The following ATRIP variants were observed in gnomAD, a reference collection of about 807,000 sequenced individuals.
ATRIP encodes the protein ATR-interacting protein.
In ATRIP, 44 loss-of-function variants were observed where a neutral mutation model predicts 78.1. That is an observed-to-expected ratio of 0.56 (90% confidence interval 0.44 to 0.72). ATRIP has a LOEUF of 0.72. Among genes scored for constraint, ATRIP ranks in the 30% least tolerant of loss-of-function variants. The pLI is 0.00. For missense variants in ATRIP, 927 were observed against 980.2 expected (o/e 0.95, Z 0.72); for synonymous variants, 388 against 408.9 (o/e 0.95, Z 0.62).
intron 7 of ATRIP, 90 bp from the exon 8 acceptor site, chr3:48,460,020 G>A: frequency 1.3e-6 from 2 of 1,552,600 alleles, no homozygotes; most frequent in African/African-American, 2.7e-5. Context: ...AGGGCAGGCA[G>A]CCTGGAGAAT....
At position 48,447,011 on chromosome 3, in the gene ATRIP, A is replaced by T; in HGVS notation, c.166A>T (p.Thr56Ser). 1 of 1,580,948 alleles carries T rather than the reference A, an allele frequency of 6.3e-7. No individual in the cohort carries two copies. The part of the protein sequence containing the change: ...DDPFGAHGDF[T>S]ADDLEELDTL... ...CCCGTTCGGCGCGCATGGGGACTTC[A>T]CTGCCGACGACCTGGAGGAGCTTGA... Residue 56 changes from threonine (T) to serine (S), a missense_variant, in exon 1 of 13, where the codon ACT becomes TCT. Thr to Ser is a moderately conservative substitution (Grantham distance 58). Transcript: ENST00000320211.
In ATRIP at chr3:48,465,047, C is replaced by T. The variant is rs575592192; in HGVS notation, c.2272C>T (p.Leu758Phe). 1.9e-6 allele frequency: 3 copies of T among 1,613,386 alleles called. No homozygotes were observed. The African/African-American group carries it at 4.0e-5, about 22-fold the overall frequency. Residue 758 changes from leucine to phenylalanine, a missense_variant, in exon 12 of 13, where the codon CTC (leucine) becomes TTC (phenylalanine). Leu to Phe is a conservative substitution (Grantham distance 22, BLOSUM62 0). Transcript: ENST00000320211. ...FDQVMPGVSM[L>F]IRGLPDVTDC... ...CCAGGTGATGCCGGGGGTCAGCATG[C>T]TCATCCGAGGGCTTCCTGATGTGAC... is the stretch of plus-strand genomic sequence containing the variant.
rs1478923109 is a variant in ATRIP at position 48,446,759 on chromosome 3, G to C, written c.-87G>C. The C allele has an allele frequency of 3.8e-6, 5 of 1,319,822 alleles. No homozygotes were observed. Among genetic ancestry groups the C allele is most frequent in the African/African-American group, 1.5e-5 (1 of 65,792 alleles). The allele number at this position is 1,319,822 out of a possible 1,614,324, so 81.8% of individuals were successfully genotyped here. A position where few individuals can be genotyped will look rare whatever the true frequency, so the allele number is the denominator to read the frequency against. ...GGCACTCGCGGCGGAGGCAAGCGGC[G>C]GCGCGCGGACGGTTGGTCCAGTTCT... On this transcript the variant is annotated 5_prime_UTR_variant, in exon 1 of 13. Transcript: ENST00000320211.
Position 48,464,060 on chromosome 3 carries a change from G to T in ATRIP, c.1902G>T (p.Leu634=). 6.2e-7 allele frequency: 1 copy of T among 1,613,778 alleles called. No homozygotes were observed. The highest frequency in any genetic ancestry group is 8.5e-7 in the Non-Finnish European group (1 of 1,180,018). ...TTTCAGAAGGCTGCCTCCTGCTGCTGCTGTACATGTACATCACATCACGGC... is the reference window on the plus strand; with the variant it reads ...TTTCAGAAGGCTGCCTCCTGCTGCTTCTGTACATGTACATCACATCACGGC... ...CSHSEGCLLL[L]LYMYITSRPD... The change falls in exon 10 of 13, where the codon CTG becomes CTT. Residue 634 remains leucine, a synonymous_variant. Coordinates refer to ENST00000320211, the MANE Select transcript of ATRIP (RefSeq NM_130384.3).
Position 48,464,925 on chromosome 3 carries a change from T to C in ATRIP, c.2150T>C (p.Val717Ala), listed in dbSNP as rs766900863. The C allele has an allele frequency of 5.0e-6, 8 of 1,613,980 alleles. No individual in the cohort carries two copies. In the African/African-American group the frequency reaches 9.3e-5, roughly 19 times the overall value. ...AGGACCGACCAGCAGAGGCGGACAG[T>C]GCGCTGTCTGCGGGACACGGTGCTG... ...PPRTDQQRRTVRCLRDTVLLL... is the reference protein window; with the variant it reads ...PPRTDQQRRTARCLRDTVLLL... The change falls in exon 12 of 13, where the codon GTG becomes GCG. Residue 717 changes from valine (V) to alanine (A), a missense_variant. Transcript: ENST00000320211.
chr3:48,456,982 C>T (rs922288698), intron 4 of ATRIP, among the ~76,000 whole-genome samples: 3 of 152,102 alleles, frequency 2.0e-5, no homozygotes, highest in Admixed American at 6.6e-5. Context: ...GTGGGTGGAT[C>T]ACTTGAGCTC....
chr3:48,454,870 CT>C (rs34089958), intron 4 of ATRIP, among the ~76,000 whole-genome samples: 5 of 144,904 alleles, frequency 3.5e-5, no homozygotes, highest in African/African-American at 5.1e-5. Context: ...TTTTTTTTTT[CT>C]TTTTTTTTTG....
In ATRIP at chr3:48,466,428, A is replaced by G; in HGVS notation, c.*874A>G. On this transcript the variant is annotated 3_prime_UTR_variant, in exon 13 of 13. Transcript: ENST00000320211. ...CATGTGAAGAGGGAGACCCTCTCAGACAGTCGAATGTGCTGGTCCCACTAA... is the reference window on the plus strand; with the variant it reads ...CATGTGAAGAGGGAGACCCTCTCAGGCAGTCGAATGTGCTGGTCCCACTAA... 6.2e-7 allele frequency: 1 copy of G among 1,610,258 alleles called. No individual in the cohort carries two copies. Among genetic ancestry groups the G allele is most frequent in the Non-Finnish European group, 8.5e-7 (1 of 1,177,972 alleles).
Position 48,466,130 on chromosome 3 carries a change from G to C in ATRIP, c.*576G>C, listed in dbSNP as rs886058622. The C allele has an allele frequency of 3.8e-5, 16 of 420,378 alleles. No individual in the cohort carries two copies. The highest frequency in any genetic ancestry group is 2.5e-4 in the Admixed American group (7 of 27,706). 26.0% of individuals were successfully genotyped at this position (420,378 alleles called of 1,614,324 possible). A position where few individuals can be genotyped will look rare whatever the true frequency, so the allele number is the denominator to read the frequency against. On this transcript the variant is annotated 3_prime_UTR_variant, in exon 13 of 13. Coordinates refer to ENST00000320211, the MANE Select transcript of ATRIP (RefSeq NM_130384.3). Reference sequence around the variant, plus strand: ...CCCCCGGGAGCAGGGGAGTGGGTGTGGGGGGGAACGGATGGTGGTGAGAGG... The same window carrying C: ...CCCCCGGGAGCAGGGGAGTGGGTGTCGGGGGGAACGGATGGTGGTGAGAGG...
intron 1 of ATRIP, among the ~76,000 whole-genome samples, chr3:48,449,695 A>G (rs144851158): frequency 0.019 from 2,807 of 145,870 alleles, 41 homozygotes; most frequent in Middle Eastern, 0.047. Context: ...TGGGAGGCTG[A>G]GGCGGGTGGA....
intron 3 of ATRIP, among the ~76,000 whole-genome samples, chr3:48,452,535 A>G (rs576266288): frequency 2.5e-4 from 38 of 152,124 alleles, no homozygotes; most frequent in African/African-American, 9.2e-4. Flanking sequence ...AAAAAGAAAA[A>G]ATGAACAAAA....
chr3:48,449,160 T>A (rs1352024664), intron 1 of ATRIP, among the ~76,000 whole-genome samples: 3 of 152,150 alleles, frequency 2.0e-5, no homozygotes, highest in African/African-American at 7.2e-5. Context: ...ACGCCTGTAA[T>A]CCCAGCACTT....
chr3:48,463,756 T>C lies in ATRIP; in HGVS notation c.1757T>C (p.Val586Ala). 1.9e-6 allele frequency: 3 copies of C among 1,614,152 alleles called. No individual in the cohort carries two copies. The East Asian group carries it at 6.7e-5, about 36-fold the overall frequency. ...TCCCTGTCTTTTAGGTTCCAGTGTG[T>C]GTTCCAAGTGCTGCCAAAGTGCCTC... ...SCDFLPRFQCVFQVLPKCLSP... is the reference protein window; with the variant it reads ...SCDFLPRFQCAFQVLPKCLSP... Residue 586 changes from valine to alanine, a missense_variant, in exon 9 of 13, where the codon GTG (valine) becomes GCG (alanine). Transcript: ENST00000320211.
At chr3:48,455,637 A>G (rs1016272779) in intron 4 of ATRIP, among the ~76,000 whole-genome samples, 2 of 151,534 alleles carry the variant, frequency 1.3e-5, no homozygotes, top group African/African-American at 4.9e-5. Flanking sequence ...TTACAGGCAC[A>G]TACCACCACA....
chr3:48,449,907 C>A, intron 1 of ATRIP, 130 bp from the exon 2 acceptor site: 1 of 1,023,014 alleles, frequency 9.8e-7, no homozygotes, highest in Non-Finnish European at 1.4e-6. Flanking sequence ...CACTGCACTC[C>A]AACCTGGGTA....
rs750099679 is a variant in ATRIP at position 48,466,600 on chromosome 3, C to G, written c.*1046C>G. 6.2e-7 allele frequency: 1 copy of G among 1,613,976 alleles called. No homozygotes were observed. Among genetic ancestry groups the G allele is most frequent in the Admixed American group, 1.7e-5 (1 of 60,012 alleles). On this transcript the variant is annotated 3_prime_UTR_variant, in exon 13 of 13. Transcript: ENST00000320211. ...CCCCTTCGGATCTTAACACTGGGCACTCACACACCCACCCCATGCTCCTCT... is the reference window on the plus strand; with the variant it reads ...CCCCTTCGGATCTTAACACTGGGCAGTCACACACCCACCCCATGCTCCTCT...
rs1250509336 is a variant in ATRIP, at chr3:48,463,881, G to A, written c.1882G>A (p.Glu628Lys). ...GGCACCTCAGCTCTGTTCCCACTCA[G>A]GTAAAGCAGGGTGGGGCGGGCGTCT... ...QLAPQLCSHS[E>K]GCLLLLLYMY... The change falls in exon 9 of 13, where the codon GAA becomes AAA. Residue 628 changes from glutamate (E) to lysine (K), a missense_variant and splice_region_variant. Coordinates refer to ENST00000320211, the MANE Select transcript of ATRIP (RefSeq NM_130384.3). The A allele has an allele frequency of 6.2e-7, 1 of 1,614,156 alleles. No individual in the cohort carries two copies. The highest frequency in any genetic ancestry group is 8.5e-7 in the Non-Finnish European group (1 of 1,180,046).
chr3:48,446,965 C>T lies in ATRIP; in HGVS notation c.120C>T (p.Ala40=), dbSNP rs1490663318. ...AGCGGGCCCGGGGCTTCTCCGCAGC[C>T]GCTGCCCCGGACCCTGACGACCCGT... ...PSKRARGFSA[A]AAPDPDDPFG... is the part of the protein sequence containing the mutation. The change falls in exon 1 of 13, where the codon GCC becomes GCT. Residue 40 remains alanine, a synonymous_variant. Transcript: ENST00000320211. 1.3e-6 allele frequency: 2 copies of T among 1,549,036 alleles called. No individual in the cohort carries two copies. The highest frequency in any genetic ancestry group is 2.4e-5 in the South Asian group (2 of 84,408).
In ATRIP at chr3:48,460,805, A is replaced by G; in HGVS notation, c.1745+6A>G. 1 of 1,589,466 alleles carries G rather than the reference A, an allele frequency of 6.3e-7. No individual in the cohort carries two copies. Among genetic ancestry groups the G allele is most frequent in the Non-Finnish European group, 8.6e-7 (1 of 1,162,672 alleles). ...TCCTGTGATTTCTTGCCCAGGTATT[A>G]AGCTGCATAGGAGTCATGATTCTTT... On this transcript the variant is annotated splice_donor_region_variant and intron_variant, in intron 8 of 12. Coordinates refer to ENST00000320211, the MANE Select transcript of ATRIP (RefSeq NM_130384.3).
Sources: allele counts gnomAD v4.1 joint callset (sites outside exome capture counted in the v4.1 genomes callset), GRCh38; gene constraint gnomAD v4.1.1; transcripts MANE v1.5; gene names NCBI Gene and HGNC (gene_info 2026-07-23, HGNC 2026-07-21).